The following SLC8A3 variants were observed in gnomAD, a reference collection of about 807,000 sequenced individuals.
The protein encoded by SLC8A3 is solute carrier family 8 member A3, also known as sodium/calcium exchanger 3.
In SLC8A3, 37 loss-of-function variants were observed where a neutral mutation model predicts 65.4. The ratio of observed to expected loss-of-function variants is 0.57; its 90% confidence interval spans 0.44 to 0.74. The LOEUF (loss-of-function observed/expected upper bound fraction) is 0.74. Ranked by LOEUF, SLC8A3 falls within the 30% of genes least tolerant of loss-of-function variation. The pLI is 0.00. For synonymous variants in SLC8A3, 461 were observed against 444.5 expected, an observed-to-expected ratio of 1.04 and a Z score of -0.47; for missense variants, 1,112 against 1,172.1, an observed-to-expected ratio of 0.95 and a Z score of 0.75.
intron 2 of SLC8A3, among the ~76,000 whole-genome samples, chr14:70,143,051 G>C (rs547153654): frequency 5.3e-5 from 8 of 152,238 alleles, no homozygotes; most frequent in African/African-American, 1.9e-4. Flanking sequence ...TACCCTGTGG[G>C]GGCTCATTCT....
chr14:70,095,376 C>T lies in SLC8A3; in HGVS notation c.1785-34437G>A, dbSNP rs1892100373. Among the ~76,000 whole-genome samples the T allele has an allele frequency of 3.3e-5, 5 of 152,218 alleles. No individual in the cohort carries two copies. In the South Asian group the frequency reaches 8.3e-4, roughly 25 times the overall value. ...GAAATCAGACGCCACATCCAGTGAC[C>T]TAGCATTGACACAAAGGCCAGAGAC... On this transcript the variant is annotated intron_variant, in intron 2 of 6. Coordinates refer to ENST00000356921, the MANE Select transcript of SLC8A3 (RefSeq NM_182932.3).
At chr14:70,174,666 T>TG (rs1566833557) in intron 1 of SLC8A3, among the ~76,000 whole-genome samples, 814 of 56,928 alleles carry the variant, frequency 0.014, 4 homozygotes, top group African/African-American at 0.022. Context: ...TTTTTTGTTT[T>TG]TTTTTTTTTT....
intron 2 of SLC8A3, among the ~76,000 whole-genome samples, chr14:70,079,330 CAA>C (rs11464342): frequency 0.03 from 2,424 of 80,884 alleles, 54 homozygotes; most frequent in African/African-American, 0.094. Flanking sequence ...CTAAAAAATA[CAA>C]AAAAAAAAAA....
In SLC8A3 at chr14:70,135,384, A is replaced by C. The variant is rs535927165; in HGVS notation, c.1784+31255T>G. Among the ~76,000 whole-genome samples the C allele has an allele frequency of 3.9e-5, 6 of 152,324 alleles. 1 individual carries two copies. The South Asian group carries it at 1.2e-3, about 32-fold the overall frequency. Reference sequence around the variant, plus strand: ...TGCCATATGATCTAGCAATCCTACCACTGGGTATATATCCAAAAGAAAGGA... The same window carrying C: ...TGCCATATGATCTAGCAATCCTACCCCTGGGTATATATCCAAAAGAAAGGA... On this transcript the variant is annotated intron_variant, in intron 2 of 6. Coordinates refer to ENST00000356921, the MANE Select transcript of SLC8A3 (RefSeq NM_182932.3).
chr14:70,080,524 C>T (rs1176353117), intron 2 of SLC8A3, among the ~76,000 whole-genome samples: 1 of 152,196 alleles, frequency 6.6e-6, no homozygotes, highest in Admixed American at 6.5e-5. Flanking sequence ...CTCCAGGAAC[C>T]TTCCTTAAGT....
chr14:70,169,917 G>A (rs1239170292), intron 1 of SLC8A3, among the ~76,000 whole-genome samples: 1 of 151,910 alleles, frequency 6.6e-6, no homozygotes, highest in African/African-American at 2.4e-5. Flanking sequence ...TCTCTCTTCT[G>A]TCCCTTATCC....
intron 2 of SLC8A3, among the ~76,000 whole-genome samples, chr14:70,110,736 A>T (rs531364599): frequency 7.6e-6 from 1 of 132,158 alleles, no homozygotes; most frequent in Non-Finnish European, 1.5e-5. Flanking sequence ...GCCAGACTGC[A>T]GTGGTGCTAT....
chr14:70,121,953 A>T (rs966574977), intron 2 of SLC8A3, among the ~76,000 whole-genome samples: 1 of 152,200 alleles, frequency 6.6e-6, no homozygotes, highest in African/African-American at 2.4e-5. Flanking sequence ...CTGGCAAGAA[A>T]AAGGGCCATG....
chr14:70,159,386 C>T (rs1312616540), intron 2 of SLC8A3, among the ~76,000 whole-genome samples: 2 of 145,082 alleles, frequency 1.4e-5, no homozygotes, highest in African/African-American at 5.1e-5. Context: ...TCACTCCAGC[C>T]TGGGCAACAG....
chr14:70,057,767 A>T (rs554355872), intron 3 of SLC8A3, among the ~76,000 whole-genome samples: 33 of 152,122 alleles, frequency 2.2e-4, no homozygotes, highest in Non-Finnish European at 3.4e-4. Context: ...TCCTGCTCAG[A>T]CACCCCAGGG....
At chr14:70,147,385 A>G (rs1381203459) in intron 2 of SLC8A3, among the ~76,000 whole-genome samples, 1 of 152,234 alleles carries the variant, frequency 6.6e-6, no homozygotes, top group Non-Finnish European at 1.5e-5. Context: ...CATGGAAGAC[A>G]GATTCCAATG....
At chr14:70,057,209 T>C (rs1181558845) in intron 3 of SLC8A3, among the ~76,000 whole-genome samples, 2 of 152,318 alleles carry the variant, frequency 1.3e-5, no homozygotes, top group East Asian at 3.9e-4. Context: ...CTTTTTTAGG[T>C]ATCTCCCATG....
chr14:70,178,865 T>A (rs1478472773), intron 1 of SLC8A3, among the ~76,000 whole-genome samples: 5 of 152,056 alleles, frequency 3.3e-5, no homozygotes, highest in Non-Finnish European at 2.9e-5. Flanking sequence ...TATAATCTAC[T>A]CTCCACAAAA....
intron 1 of SLC8A3, among the ~76,000 whole-genome samples, chr14:70,179,213 C>T (rs1882510549): frequency 6.6e-6 from 1 of 152,184 alleles, no homozygotes; most frequent in African/African-American, 2.4e-5. Context: ...TTCCCCCGCC[C>T]ATCTTATCTA....
intron 2 of SLC8A3, among the ~76,000 whole-genome samples, chr14:70,162,434 T>G (rs889541462): frequency 2.6e-5 from 4 of 152,232 alleles, no homozygotes; most frequent in African/African-American, 7.2e-5. Context: ...AGCTTTAACA[T>G]TCTGATTTGG....
intron 2 of SLC8A3, among the ~76,000 whole-genome samples, chr14:70,148,816 G>A (rs572141966): frequency 8.2e-4 from 125 of 152,318 alleles, no homozygotes; most frequent in Non-Finnish European, 1.5e-3. Context: ...CAGCAGCAAC[G>A]TGTTCTATAG....
At chr14:70,060,808 G>A in intron 3 of SLC8A3, 28 bp downstream of exon 3, 1 of 1,070,882 alleles carries the variant, frequency 9.3e-7, no homozygotes, top group East Asian at 2.4e-5. Flanking sequence ...CTTTTTTTTT[G>A]TTGTTTTGTT....
At chr14:70,090,496 G>A (rs1303744837) in intron 2 of SLC8A3, among the ~76,000 whole-genome samples, 2 of 152,096 alleles carry the variant, frequency 1.3e-5, no homozygotes, top group South Asian at 2.1e-4. Flanking sequence ...TTTCCTAATC[G>A]TGGTATACAG....
intron 2 of SLC8A3, among the ~76,000 whole-genome samples, chr14:70,144,404 TAGA>T (rs1268970233): frequency 7.7e-6 from 1 of 129,994 alleles, no homozygotes; most frequent in Non-Finnish European, 1.5e-5. Context: ...CCAAGGCGAG[TAGA>T]TCACTTGAGG....
Sources: gnomAD v4.1 joint callset for allele counts (sites outside exome capture counted in the v4.1 genomes callset) on GRCh38, gnomAD v4.1.1 for gene constraint, MANE v1.5 for transcripts, NCBI Gene and HGNC (gene_info 2026-07-23, HGNC 2026-07-21) for gene names.